THBS3: variants seen among roughly 807,000 people sequenced by gnomAD.
The protein encoded by THBS3 is thrombospondin 3.
Under a neutral mutation model 118.3 loss-of-function variants are expected in THBS3, and 78 were observed. That is an observed-to-expected ratio of 0.66 (90% CI 0.55 to 0.80). THBS3 has a LOEUF of 0.80. THBS3 is among the 30% of genes least tolerant of loss of function. The pLI is 0.00. For missense variants in THBS3, 1,057 were observed against 1,247.4 expected, an observed-to-expected ratio of 0.85 and a Z score of 2.30; for synonymous variants, 427 against 475.3, an observed-to-expected ratio of 0.90 and a Z score of 1.32.
intron 22 of THBS3, 36 bp downstream of exon 22, chr1:155,195,951 A>G (rs777399600): frequency 1.1e-5 from 18 of 1,614,226 alleles, no homozygotes; most frequent in Non-Finnish European, 1.4e-5. Context: ...CCCACAAGGC[A>G]TGAAGGATTA....
chr1:155,205,139 G>A lies in THBS3; in HGVS notation c.464C>T (p.Pro155Leu). The change falls in exon 3 of 23, where the codon CCA becomes CTA. Residue 155 changes from proline to leucine, a missense_variant. Transcript: ENST00000368378. ...CKLGDQHAGL[P>L]ALAPIPPAEV... ...CGCTGGAGGAATGGGGGCCAGTGCT[G>A]GAAGGCCTGCATGTTGGTCACCCAG... 3.1e-6 allele frequency: 5 copies of A among 1,614,196 alleles called. No homozygotes were observed. Among genetic ancestry groups the A allele is most frequent in the Non-Finnish European group, 4.2e-6 (5 of 1,180,042 alleles).
Position 155,207,872 on chromosome 1 carries a change from T to G in THBS3, c.5A>C (p.Glu2Ala). 1 of 1,613,690 alleles carries G rather than the reference T, an allele frequency of 6.2e-7. No individual in the cohort carries two copies. Among genetic ancestry groups the G allele is most frequent in the African/African-American group, 1.3e-5 (1 of 74,878 alleles). The change falls in exon 1 of 23, where the codon GAG (glutamate) becomes GCG (alanine). Residue 2 changes from glutamate (E) to alanine (A), a missense_variant. Around this residue, in one of 3 missense-constraint regions of THBS3, gnomAD observed 206 missense variants for 205.7 expected, o/e 1.00. Transcript: ENST00000368378. ...CAGGGCCCCCCGAAGTTCCTGCGTC[T>G]CCATGCCTCTCAGCCGGCTCACTAC... M[E>A]TQELRGALAL...
rs780254114 is a variant in THBS3, at chr1:155,197,436, G to A, written c.2499+27C>T. ...AGGAGAGCTTTGGGAAAGGGCCCTG[G>A]GTTGCGGAATCTGAGCAGCTGGGGA... On this transcript the variant is annotated intron_variant, in intron 20 of 22. Coordinates refer to ENST00000368378, the MANE Select transcript of THBS3 (RefSeq NM_007112.5). This position sits in a 1 kb window ranked among gnomAD's most constrained non-coding sequence, Gnocchi z 5.0. 1.9e-6 allele frequency: 3 copies of A among 1,607,514 alleles called. No homozygotes were observed. Among genetic ancestry groups the A allele is most frequent in the Admixed American group, 1.7e-5 (1 of 59,958 alleles).
chr1:155,208,871 A>T, upstream of THBS3: 3 of 1,611,554 alleles, frequency 1.9e-6, no homozygotes, highest in Non-Finnish European at 2.5e-6. Context: ...CTGGAGCAGT[A>T]CAGGCCACGT....
intron 11 of THBS3, 21 bp from the exon 12 acceptor site, chr1:155,201,225 G>C (rs747831653): frequency 6.2e-7 from 1 of 1,613,798 alleles, no homozygotes. Flanking sequence ...ACAAAGGGTA[G>C]GAGCTAGCAG....
Position 155,206,478 on chromosome 1 carries a change from A to G in THBS3, c.80-72T>C. 16 of 1,321,938 alleles carry G rather than the reference A, an allele frequency of 1.2e-5. No individual in the cohort carries two copies. The highest frequency in any genetic ancestry group is 2.5e-5 in the East Asian group (1 of 39,236). The allele number at this position is 1,321,938 out of a possible 1,614,324, so 81.9% of individuals were successfully genotyped here. ...AAGGTATGCCCTCCCCCGAGCCCAC[A>G]TCACCCCCTACCCCCACCACCAGGC... On this transcript the variant is annotated intron_variant, in intron 1 of 22. Transcript: ENST00000368378. The surrounding 1 kb of genome is among the most constrained non-coding windows in gnomAD (Gnocchi z 4.2).
upstream of THBS3, chr1:155,208,722 CGG>C: frequency 8.0e-6 from 11 of 1,381,064 alleles, no homozygotes; most frequent in African/African-American, 1.5e-5. Flanking sequence ...GCCTCCGCTC[CGG>C]CCGCCGCCAC....
At chr1:155,200,258 A>G in intron 14 of THBS3, 145 bp from the exon 15 acceptor site, 1 of 995,798 alleles carries the variant, frequency 1.0e-6, no homozygotes, top group Non-Finnish European at 1.5e-6. Flanking sequence ...CCTCTAGTCC[A>G]CACTCTGCCT....
At chr1:155,201,376 C>T (rs1241565668) in intron 11 of THBS3, 41 bp downstream of exon 11, 7 of 1,573,148 alleles carry the variant, frequency 4.4e-6, no homozygotes, top group Non-Finnish European at 5.2e-6. Flanking sequence ...CTCCTTTCCC[C>T]AGACCCTCCC....
chr1:155,202,756 C>T lies in THBS3; in HGVS notation c.957+56G>A, dbSNP rs1669970537. 4 of 1,562,752 alleles carry T rather than the reference C, an allele frequency of 2.6e-6. No individual in the cohort carries two copies. The highest frequency in any genetic ancestry group is 2.6e-6 in the Non-Finnish European group (3 of 1,152,964). ...GCATTTATCCCACCCTCTTGGGTGC[C>T]TCCTGACATCCTCACCCCAGTTTTC... On this transcript the variant is annotated intron_variant, in intron 8 of 22. Coordinates refer to ENST00000368378, the MANE Select transcript of THBS3 (RefSeq NM_007112.5). The surrounding 1 kb of genome is among the most constrained non-coding windows in gnomAD (Gnocchi z 5.5).
Position 155,199,863 on chromosome 1 carries a change from G to T in THBS3, c.1828-7C>A, listed in dbSNP as rs1401005435. On this transcript the variant is annotated splice_region_variant and splice_polypyrimidine_tract_variant and intron_variant, in intron 15 of 22. Coordinates refer to ENST00000368378, the MANE Select transcript of THBS3 (RefSeq NM_007112.5). ...GGTCGCTGTCTGCATCTGTCTGAGA[G>T]AGAGGGACCTGTTCTCACCATCTCC... 6.2e-7 allele frequency: 1 copy of T among 1,614,072 alleles called. No homozygotes were observed. The highest frequency in any genetic ancestry group is 8.5e-7 in the Non-Finnish European group (1 of 1,180,026).
rs1557870481 is a variant in THBS3 at position 155,202,842 on chromosome 1, GC to G, written c.926del (p.Gly309AlafsTer177). On this transcript the variant is annotated frameshift_variant, in exon 8 of 23. Coordinates refer to ENST00000368378, the MANE Select transcript of THBS3 (RefSeq NM_007112.5). LOFTEE classifies it high-confidence loss of function. This position sits in a 1 kb window ranked among gnomAD's most constrained non-coding sequence, Gnocchi z 5.5. ...TGATGTCACTGCAGTGGGTGCCGTT[GC>G]CCTGCAGGCCAGGGGGGCAGGGCCC... The part of the protein sequence containing the change: ...RCGPCPPGLQ[G>X]NGTHCSDINE... 6.2e-7 allele frequency: 1 copy of G among 1,613,260 alleles called. No individual in the cohort carries two copies. Among genetic ancestry groups the G allele is most frequent in the Non-Finnish European group, 8.5e-7 (1 of 1,179,908 alleles).
At chr1:155,198,744 G>A (rs1375010378) in intron 16 of THBS3, 142 bp from the exon 17 acceptor site, 2 of 717,074 alleles carry the variant, frequency 2.8e-6, no homozygotes, top group Non-Finnish European at 4.7e-6. Flanking sequence ...AGGTCTGGCA[G>A]TAGGAATGGA....
In THBS3 at chr1:155,205,313, A is replaced by T; in HGVS notation, c.290T>A (p.Leu97Gln). The T allele has an allele frequency of 1.9e-6, 3 of 1,613,544 alleles. No homozygotes were observed. The highest frequency in any genetic ancestry group is 2.5e-6 in the Non-Finnish European group (3 of 1,179,770). Residue 97 changes from leucine to glutamine, a missense_variant, in exon 3 of 23, where the codon CTG (leucine) becomes CAG (glutamine). Leu to Gln is a moderately radical substitution (Grantham distance 113). This residue lies in a region of THBS3 where 206 missense variants were observed against 205.7 expected (regional missense o/e 1.00). Coordinates refer to ENST00000368378, the MANE Select transcript of THBS3 (RefSeq NM_007112.5). ...ASVVGKINKVLVRYQREDGKV... is the reference protein window; with the variant it reads ...ASVVGKINKVQVRYQREDGKV... ...GCCATCCTCCCGCTGGTATCGCACCAGTACTGCCCAGGAGGGGAGATCAGT... is the reference window on the plus strand; with the variant it reads ...GCCATCCTCCCGCTGGTATCGCACCTGTACTGCCCAGGAGGGGAGATCAGT...
At position 155,197,568 on chromosome 1, in the gene THBS3, A is replaced by C; in HGVS notation, c.2394T>G (p.Tyr798Ter). 6.2e-7 allele frequency: 1 copy of C among 1,613,988 alleles called. No homozygotes were observed. The highest frequency in any genetic ancestry group is 8.5e-7 in the Non-Finnish European group (1 of 1,179,986). ...CTACGTAGAAGCGGCCACTGTCTTG[A>C]TAACTGAAGAGAAAGCCTGCGTAGT... ...DDDYAGFLFSYQDSGRFYVVM... is the reference protein window; with the variant it reads ...DDDYAGFLFS Residue 798 changes from tyrosine (Y) to a stop codon, truncating the protein, a stop_gained, in exon 20 of 23, where the codon TAT (tyrosine) becomes TAG (stop). Coordinates refer to ENST00000368378, the MANE Select transcript of THBS3 (RefSeq NM_007112.5). LOFTEE classifies it high-confidence loss of function. The surrounding 1 kb of genome is among the most constrained non-coding windows in gnomAD (Gnocchi z 5.0).
chr1:155,200,562 C>T lies in THBS3; in HGVS notation c.1597G>A (p.Asp533Asn). ...TTGTCACAGGCATCACCAAATGAAT[C>T]TGTATCTGAGTTCTGCTGGTCTTTG... ...PNKDQQNSDT[D>N]SFGDACDNCP... The change falls in exon 14 of 23, where the codon GAT becomes AAT. Residue 533 changes from aspartate to asparagine, a missense_variant. This residue lies in a region of THBS3 where 544 missense variants were observed against 715.6 expected (regional missense o/e 0.76). Coordinates refer to ENST00000368378, the MANE Select transcript of THBS3 (RefSeq NM_007112.5). 6 of 1,614,190 alleles carry T rather than the reference C, an allele frequency of 3.7e-6. No homozygotes were observed. The highest frequency in any genetic ancestry group is 5.1e-6 in the Non-Finnish European group (6 of 1,180,030).
In THBS3 at chr1:155,200,750, C is replaced by A. The variant is rs527499422; in HGVS notation, c.1549-140G>T. 8.5e-5 allele frequency: 133 copies of A among 1,562,112 alleles called. No homozygotes were observed. The South Asian group carries it at 1.2e-3, about 14-fold the overall frequency. On this transcript the variant is annotated intron_variant, in intron 13 of 22. Coordinates refer to ENST00000368378, the MANE Select transcript of THBS3 (RefSeq NM_007112.5). ...GCTCAGTACAGTCCCACCCACCCAG[C>A]CTCCTTGTCCTGGGCACGAGGTTTT...
In THBS3 at chr1:155,200,888, G is replaced by A. The variant is rs759087817; in HGVS notation, c.1548+9C>T. On this transcript the variant is annotated intron_variant, in intron 13 of 22. Coordinates refer to ENST00000368378, the MANE Select transcript of THBS3 (RefSeq NM_007112.5). Reference sequence around the variant, plus strand: ...GGAGCTTCAAGGGGCAGGGCAGTCTGGGAGTCACCTCAACATTCTTGATCC... The same window carrying A: ...GGAGCTTCAAGGGGCAGGGCAGTCTAGGAGTCACCTCAACATTCTTGATCC... The A allele has an allele frequency of 1.9e-6, 3 of 1,614,036 alleles. No individual in the cohort carries two copies. The highest frequency in any genetic ancestry group is 2.5e-6 in the Non-Finnish European group (3 of 1,180,002).
intron 16 of THBS3, 128 bp downstream of exon 16, chr1:155,199,676 C>T (rs1164799892): frequency 7.7e-6 from 7 of 905,746 alleles, no homozygotes; most frequent in Non-Finnish European, 1.2e-5. Flanking sequence ...AATCACTTGA[C>T]CCTGGGAGAC....
Sources: gnomAD v4.1 joint callset for allele counts on GRCh38, gnomAD v4.1.1 for gene constraint, gnomAD v4.1.1 regional missense constraint, Gnocchi (gnomAD v3.1) non-coding constraint, MANE v1.5 for transcripts, NCBI Gene and HGNC (gene_info 2026-07-23, HGNC 2026-07-21) for gene names.